Variants in BABAM1 observed in about 807,000 individuals in gnomAD.
BABAM1 encodes the protein BRISC and BRCA1 A complex member 1.
Under a neutral mutation model 34.4 loss-of-function variants are expected in BABAM1, and 14 were observed. That is an observed-to-expected ratio of 0.41 (90% confidence interval 0.27 to 0.64). The LOEUF (loss-of-function observed/expected upper bound fraction) is 0.64. BABAM1 is among the 30% of genes least tolerant of loss of function. The probability of loss-of-function intolerance (pLI) is 0.34; values close to 1 mark genes in which losing one functional copy is unlikely to be tolerated. For missense variants in BABAM1, 393 were observed against 434.0 expected (o/e 0.91, Z 0.84); for synonymous variants, 169 against 165.8 (o/e 1.02, Z -0.15).
intron 2 of BABAM1, among the ~76,000 whole-genome samples, chr19:17,270,276 C>T (rs563746714): frequency 9.9e-5 from 15 of 151,938 alleles, no homozygotes; most frequent in African/African-American, 3.6e-4. Flanking sequence ...TCTCCATCTC[C>T]TGACCTTGTG....
At position 17,274,190 on chromosome 19, in the gene BABAM1, C is replaced by G; in HGVS notation, c.544+5C>G. 1 of 1,612,384 alleles carries G rather than the reference C, an allele frequency of 6.2e-7. No individual in the cohort carries two copies. Among genetic ancestry groups the G allele is most frequent in the Non-Finnish European group, 8.5e-7 (1 of 1,179,722 alleles). On this transcript the variant is annotated splice_donor_5th_base_variant and intron_variant, in intron 5 of 8. Coordinates refer to ENST00000598188, the MANE Select transcript of BABAM1 (RefSeq NM_014173.4). ...CGGCCTCCTGTTCCACCTTCAGTATCCTTCCTGGCAGAGATGTCCCCATGA... is the reference window on the plus strand; with the variant it reads ...CGGCCTCCTGTTCCACCTTCAGTATGCTTCCTGGCAGAGATGTCCCCATGA...
rs773888590 is a variant in BABAM1 at position 17,273,889 on chromosome 19, T to G, written c.345-15T>G. On this transcript the variant is annotated splice_polypyrimidine_tract_variant and intron_variant, in intron 3 of 8. Transcript: ENST00000598188. ...TGAGGGAACCTTAATTCCCCTGTAC[T>G]CTCTGCCTCCCCAGCTCCAAAACCA... The G allele has an allele frequency of 1.4e-5, 22 of 1,594,276 alleles. No individual in the cohort carries two copies. Among genetic ancestry groups the G allele is most frequent in the Non-Finnish European group, 1.6e-5 (19 of 1,170,772 alleles).
intron 3 of BABAM1, among the ~76,000 whole-genome samples, chr19:17,273,496 C>T (rs112739362): frequency 0.019 from 2,875 of 151,608 alleles, 43 homozygotes; most frequent in South Asian, 0.042. Context: ...TGACCTATAC[C>T]TCCAGGGCCT....
rs772223871 is a variant in BABAM1, at chr19:17,279,139, TG to T, written c.*98del. 9 of 1,392,662 alleles carry T rather than the reference TG, an allele frequency of 6.5e-6. No individual in the cohort carries two copies. Among genetic ancestry groups the T allele is most frequent in the Non-Finnish European group, 6.8e-6 (7 of 1,024,934 alleles). 86.3% of individuals were successfully genotyped at this position (1,392,662 alleles called of 1,614,324 possible). ...ACTGGGTTCCTTGGGACCTCCGGGG[TG>T]GGGGGGTTCCAGGAGGCACGTAGGG... On this transcript the variant is annotated 3_prime_UTR_variant, in exon 9 of 9. Transcript: ENST00000598188.
intron 5 of BABAM1, 128 bp from the exon 6 acceptor site, chr19:17,275,673 G>A: frequency 8.5e-7 from 1 of 1,180,676 alleles, no homozygotes; most frequent in East Asian, 2.4e-5. Flanking sequence ...GAGAGGGCAA[G>A]TGACTTGGCC....
chr19:17,278,410 G>A (rs879385411), intron 8 of BABAM1, among the ~76,000 whole-genome samples: 12 of 151,250 alleles, frequency 7.9e-5, no homozygotes, highest in East Asian at 2.0e-4. Context: ...CCGGGTTTGC[G>A]CCATTCTCCT....
intron 6 of BABAM1, 60 bp from the exon 7 acceptor site, chr19:17,276,434 GT>G: frequency 6.4e-7 from 1 of 1,554,944 alleles, no homozygotes; most frequent in Non-Finnish European, 8.7e-7. Flanking sequence ...CTCTCTCAGG[GT>G]GATAAGAGGG....
At chr19:17,277,043 G>A (rs2073917984) in intron 8 of BABAM1, 134 bp downstream of exon 8, 1 of 821,788 alleles carries the variant, frequency 1.2e-6, no homozygotes. Context: ...TCATGGCATT[G>A]GTCATTGAAC....
intron 2 of BABAM1, among the ~76,000 whole-genome samples, chr19:17,269,966 C>T (rs1483639085): frequency 2.0e-5 from 3 of 149,738 alleles, no homozygotes; most frequent in African/African-American, 7.4e-5. Context: ...CACTCTGTTG[C>T]CCAGGCTGGA....
intron 3 of BABAM1, among the ~76,000 whole-genome samples, chr19:17,272,465 G>C (rs1435193440): frequency 6.6e-6 from 1 of 151,700 alleles, no homozygotes; most frequent in African/African-American, 2.4e-5. Context: ...GAGTGCAGTG[G>C]TGCGATCTCC....
Position 17,268,878 on chromosome 19 carries a change from GC to G in BABAM1, c.76del (p.Arg26AlafsTer14). ...AAGAGGAGCACTCGGCAGAGCCTCG[GC>G]CCCGCACTCGCTCCAATCCTGAAGG... ...EEEEHSAEPR[P>X]RTRSNPEGAE... On this transcript the variant is annotated frameshift_variant, in exon 2 of 9. Coordinates refer to ENST00000598188, the MANE Select transcript of BABAM1 (RefSeq NM_014173.4). LOFTEE classifies it high-confidence loss of function. 6.2e-7 allele frequency: 1 copy of G among 1,600,702 alleles called. No homozygotes were observed. The highest frequency in any genetic ancestry group is 8.5e-7 in the Non-Finnish European group (1 of 1,174,316).
intron 5 of BABAM1, among the ~76,000 whole-genome samples, chr19:17,275,439 T>G (rs2073896947): frequency 6.6e-6 from 1 of 152,126 alleles, no homozygotes; most frequent in Admixed American, 6.6e-5. Context: ...TACAGACATG[T>G]GCCATCAGGC....
chr19:17,268,015 C>T (rs2145606803), intron 1 of BABAM1, among the ~76,000 whole-genome samples: 1 of 152,164 alleles, frequency 6.6e-6, no homozygotes, highest in African/African-American at 2.4e-5. Context: ...GCAGTTTTCT[C>T]GGTGGAGACC....
intron 5 of BABAM1, among the ~76,000 whole-genome samples, chr19:17,275,367 C>T (rs1160358340): frequency 6.6e-6 from 1 of 151,736 alleles, no homozygotes; most frequent in African/African-American, 2.4e-5. Flanking sequence ...CTTGGCTCAC[C>T]GCAATCTCCA....
chr19:17,273,050 G>A (rs181604706), intron 3 of BABAM1, among the ~76,000 whole-genome samples: 1 of 152,244 alleles, frequency 6.6e-6, no homozygotes, highest in Admixed American at 6.5e-5. Flanking sequence ...AAAAAGAGTA[G>A]CAAGGACAAC....
At chr19:17,270,999 T>G (rs1189317194) in intron 2 of BABAM1, among the ~76,000 whole-genome samples, 3 of 150,926 alleles carry the variant, frequency 2.0e-5, no homozygotes, top group Admixed American at 2.0e-4. Context: ...CTCTTTTTTT[T>G]TTTTTTTGAG....
chr19:17,273,576 T>TTTTTTTTTTTTTTA (rs2073871212), intron 3 of BABAM1, among the ~76,000 whole-genome samples: 1 of 138,658 alleles, frequency 7.2e-6, no homozygotes, highest in African/African-American at 2.7e-5. Flanking sequence ...TTTTTTTTTT[T>TTTTTTTTTTTTTTA]TTTTTGAGAC....
chr19:17,279,114 A>C lies in BABAM1; in HGVS notation c.*66A>C. On this transcript the variant is annotated 3_prime_UTR_variant, in exon 9 of 9. Transcript: ENST00000598188. ...CTTGGCCTAAAGCCTTGGTTCTCAAACTGGGTTCCTTGGGACCTCCGGGGT... is the reference window on the plus strand; with the variant it reads ...CTTGGCCTAAAGCCTTGGTTCTCAACCTGGGTTCCTTGGGACCTCCGGGGT... 1.3e-6 allele frequency: 2 copies of C among 1,514,318 alleles called. No individual in the cohort carries two copies. Among genetic ancestry groups the C allele is most frequent in the Non-Finnish European group, 1.8e-6 (2 of 1,118,212 alleles). The allele number at this position is 1,514,318 out of a possible 1,614,324, so 93.8% of individuals were successfully genotyped here.
At chr19:17,275,509 C>T (rs927804323) in intron 5 of BABAM1, among the ~76,000 whole-genome samples, 2 of 151,774 alleles carry the variant, frequency 1.3e-5, no homozygotes, top group African/African-American at 2.4e-5. Flanking sequence ...AGGCTGGCCT[C>T]GAACTCCTGA....
Sources: allele counts gnomAD v4.1 joint callset (sites outside exome capture counted in the v4.1 genomes callset), GRCh38; gene constraint gnomAD v4.1.1; transcripts MANE v1.5; gene names NCBI Gene and HGNC (gene_info 2026-07-23, HGNC 2026-07-21).